Variants in CCSER1 observed in about 807,000 individuals in gnomAD.
CCSER1 encodes the protein coiled-coil serine rich protein 1.
A neutral mutation model predicts 82.0 loss-of-function variants in CCSER1; 41 were observed. That is an observed-to-expected ratio of 0.50 (90% confidence interval 0.39 to 0.65). CCSER1 has a LOEUF of 0.65. CCSER1 is among the 30% of genes least tolerant of loss of function. The pLI is 0.00. For synonymous variants in CCSER1, 414 were observed against 383.9 expected (o/e 1.08, Z -0.92); for missense variants, 1,119 against 1,064.2 (o/e 1.05, Z -0.72).
intron 9 of CCSER1, among the ~76,000 whole-genome samples, chr4:91,002,781 T>C (rs1421990553): frequency 1.3e-5 from 2 of 152,222 alleles, no homozygotes; most frequent in African/African-American, 4.8e-5. Flanking sequence ...TTGAATCCAT[T>C]GCTGGTGAGC....
At chr4:90,391,444 GTATATA>G (rs770320334) in intron 3 of CCSER1, among the ~76,000 whole-genome samples, 1,317 of 37,418 alleles carry the variant, frequency 0.035, 32 homozygotes, top group East Asian at 0.075. Flanking sequence ...ATATATGGGG[GTATATA>G]TATATATATA....
intron 10 of CCSER1, among the ~76,000 whole-genome samples, chr4:91,299,829 A>G (rs1350950337): frequency 6.6e-6 from 1 of 151,490 alleles, no homozygotes; most frequent in East Asian, 1.9e-4. Flanking sequence ...ATGTTGTTAA[A>G]TGCTGTTACT....
intron 9 of CCSER1, among the ~76,000 whole-genome samples, chr4:90,932,737 A>C (rs1378169829): frequency 6.7e-6 from 1 of 148,472 alleles, no homozygotes; most frequent in Non-Finnish European, 1.5e-5. Context: ...CTAAGGCAGG[A>C]GAATCGCTTG....
At chr4:91,223,414 T>C (rs1029616899) in intron 10 of CCSER1, among the ~76,000 whole-genome samples, 2 of 151,722 alleles carry the variant, frequency 1.3e-5, no homozygotes, top group Non-Finnish European at 2.9e-5. Context: ...TAGAAGTCGG[T>C]TTAAAAGGTA....
chr4:91,080,162 C>T (rs997283342), intron 9 of CCSER1, among the ~76,000 whole-genome samples: 1 of 152,094 alleles, frequency 6.6e-6, no homozygotes, highest in African/African-American at 2.4e-5. Flanking sequence ...ACCACATAGT[C>T]AGAAATAAAG....
chr4:91,511,933 T>C (rs1264126302), intron 10 of CCSER1, among the ~76,000 whole-genome samples: 1 of 152,092 alleles, frequency 6.6e-6, no homozygotes, highest in East Asian at 1.9e-4. Flanking sequence ...TGTGGAAAAA[T>C]TGTCTGCCGT....
intron 10 of CCSER1, among the ~76,000 whole-genome samples, chr4:91,244,742 G>T (rs1473924912): frequency 6.6e-6 from 1 of 152,094 alleles, no homozygotes; most frequent in Non-Finnish European, 1.5e-5. Context: ...ACATCTACAA[G>T]TATCAGCATC....
intron 8 of CCSER1, among the ~76,000 whole-genome samples, chr4:90,897,448 G>A (rs914379907): frequency 6.6e-6 from 1 of 152,056 alleles, no homozygotes; most frequent in Non-Finnish European, 1.5e-5. Context: ...CTCTATCCAT[G>A]TTGCTGTGAA....
At chr4:91,438,508 G>A (rs1028676985) in intron 10 of CCSER1, among the ~76,000 whole-genome samples, 3 of 152,060 alleles carry the variant, frequency 2.0e-5, no homozygotes, top group African/African-American at 7.2e-5. Context: ...AAGACCAAAA[G>A]TAGATAAAAC....
At chr4:91,148,685 C>A (rs919602869) in intron 10 of CCSER1, among the ~76,000 whole-genome samples, 1 of 152,068 alleles carries the variant, frequency 6.6e-6, no homozygotes, top group Non-Finnish European at 1.5e-5. Flanking sequence ...CATCCTGTGT[C>A]CAAATGTTCT....
intron 1 of CCSER1, among the ~76,000 whole-genome samples, chr4:90,152,731 G>T (rs2153352828): frequency 6.6e-6 from 1 of 152,192 alleles, no homozygotes; most frequent in African/African-American, 2.4e-5. Flanking sequence ...GAGTAAATTG[G>T]ATCAGATGGT....
chr4:91,421,520 T>C (rs1204356299), intron 10 of CCSER1, among the ~76,000 whole-genome samples: 1 of 152,180 alleles, frequency 6.6e-6, no homozygotes, highest in African/African-American at 2.4e-5. Flanking sequence ...TTTTGTTATA[T>C]GGAGGCGTAT....
intron 5 of CCSER1, among the ~76,000 whole-genome samples, chr4:90,573,507 A>G (rs777770569): frequency 6.6e-6 from 1 of 152,192 alleles, no homozygotes; most frequent in Non-Finnish European, 1.5e-5. Context: ...GTGTTGGGGA[A>G]TGGGTAACAT....
chr4:91,544,995 G>A (rs756677596), intron 10 of CCSER1, among the ~76,000 whole-genome samples: 8 of 151,984 alleles, frequency 5.3e-5, no homozygotes, highest in Non-Finnish European at 8.8e-5. Context: ...ACCTACTCAA[G>A]CCTCAGCAAT....
intron 8 of CCSER1, among the ~76,000 whole-genome samples, chr4:90,841,914 G>A (rs1228999429): frequency 2.0e-5 from 3 of 152,192 alleles, no homozygotes; most frequent in Non-Finnish European, 4.4e-5. Flanking sequence ...CCCAATGAAT[G>A]AGAATTTGGG....
At chr4:90,792,848 C>T (rs1755458647) in intron 7 of CCSER1, among the ~76,000 whole-genome samples, 1 of 152,130 alleles carries the variant, frequency 6.6e-6, no homozygotes, top group African/African-American at 2.4e-5. Flanking sequence ...GGAATAGGGG[C>T]TGTCCCTAGT....
intron 10 of CCSER1, among the ~76,000 whole-genome samples, chr4:91,410,314 CA>C (rs1437484028): frequency 1.3e-5 from 2 of 151,314 alleles, no homozygotes; most frequent in Admixed American, 6.6e-5. Flanking sequence ...GTCTTTCCAT[CA>C]TTTTTTTTTA....
chr4:91,297,365 TTGTGTGTG>T (rs764634343), intron 10 of CCSER1, among the ~76,000 whole-genome samples: 8 of 128,812 alleles, frequency 6.2e-5, no homozygotes, highest in Non-Finnish European at 1.0e-4. Flanking sequence ...GAATGGATGC[TTGTGTGTG>T]TGTGTGTGTG....
chr4:90,550,724 A>T (rs762015871), intron 5 of CCSER1, among the ~76,000 whole-genome samples: 1 of 152,186 alleles, frequency 6.6e-6, no homozygotes. Context: ...AACCACTTGA[A>T]TGAAGTAAGT....
Sources: allele counts gnomAD v4.1 joint callset (sites outside exome capture counted in the v4.1 genomes callset), GRCh38; gene constraint gnomAD v4.1.1; transcripts MANE v1.5; gene names NCBI Gene and HGNC (gene_info 2026-07-23, HGNC 2026-07-21).